The following DIXDC1 variants were observed in gnomAD, a reference collection of about 807,000 sequenced individuals.
DIXDC1 encodes dixin.
A neutral mutation model predicts 103.1 loss-of-function variants in DIXDC1; 64 were observed. The observed-to-expected ratio is 0.62, with a 90% CI of 0.51 to 0.76. The LOEUF is 0.76. Ranked by LOEUF, DIXDC1 falls within the 30% of genes least tolerant of loss-of-function variation. The pLI is 0.00. For missense variants in DIXDC1, 759 were observed against 834.2 expected, an observed-to-expected ratio of 0.91 and a Z score of 1.11; for synonymous variants, 266 against 298.5, an observed-to-expected ratio of 0.89 and a Z score of 1.12.
At chr11:111,995,309 A>C in intron 15 of DIXDC1, 94 bp from the exon 16 acceptor site, 1 of 1,528,658 alleles carries the variant, frequency 6.5e-7, no homozygotes, top group Non-Finnish European at 8.8e-7. Flanking sequence ...GTGGGGGAAA[A>C]ATCTTCTGGA....
Position 111,977,510 on chromosome 11 carries a change from C to A in DIXDC1, c.656+2527C>A. 7.2e-7 allele frequency: 1 copy of A among 1,386,432 alleles called. No individual in the cohort carries two copies. Among genetic ancestry groups the A allele is most frequent in the East Asian group, 3.1e-5 (1 of 32,540 alleles). 85.9% of individuals were successfully genotyped at this position (1,386,432 alleles called of 1,614,324 possible). On this transcript the variant is annotated intron_variant, in intron 5 of 19. Transcript: ENST00000440460. This position sits in a 1 kb window ranked among gnomAD's most constrained non-coding sequence, Gnocchi z 6.1. ...GGAGGCAGCTTCCGCCGGGGCCGGG[C>A]TGCTGCACAGTCTGAGCGGCCGGGA...
At chr11:112,002,433 C>T (rs1459137403) in intron 17 of DIXDC1, among the ~76,000 whole-genome samples, 4 of 152,090 alleles carry the variant, frequency 2.6e-5, no homozygotes, top group Non-Finnish European at 5.9e-5. Context: ...GGTATGTATC[C>T]AAAAGAAAGG....
At chr11:111,997,374 T>G (rs1209452844) in intron 17 of DIXDC1, among the ~76,000 whole-genome samples, 1 of 152,000 alleles carries the variant, frequency 6.6e-6, no homozygotes, top group Non-Finnish European at 1.5e-5. Flanking sequence ...TCACTCTTGT[T>G]GCCCAGGCTG....
At chr11:111,936,498 A>G (rs1489234065), upstream of DIXDC1, among the ~76,000 whole-genome samples, 1 of 152,180 alleles carries the variant, frequency 6.6e-6, no homozygotes, top group Non-Finnish European at 1.5e-5. Context: ...TGGGTTGTAT[A>G]TTTTAGCAGT....
At chr11:111,981,305 C>CA (rs1453879917) in intron 6 of DIXDC1, among the ~76,000 whole-genome samples, 1 of 152,306 alleles carries the variant, frequency 6.6e-6, no homozygotes, top group South Asian at 2.1e-4. Flanking sequence ...GAAAGGACCA[C>CA]AAAGAGTTCC....
chr11:111,996,006 C>G (rs1418198316), intron 16 of DIXDC1, 74 bp from the exon 17 acceptor site: 77 of 1,396,018 alleles, frequency 5.5e-5, no homozygotes, highest in Non-Finnish European at 7.6e-5. Context: ...TTTAAGCACA[C>G]TTTTATGATT....
intron 10 of DIXDC1, among the ~76,000 whole-genome samples, chr11:111,991,190 A>G (rs1005110132): frequency 7.2e-5 from 11 of 152,210 alleles, no homozygotes; most frequent in Admixed American, 7.2e-4. Context: ...AACACTTTAA[A>G]AAACAAATGT....
chr11:111,957,858 T>A (rs187157054), intron 1 of DIXDC1, among the ~76,000 whole-genome samples: 1 of 152,336 alleles, frequency 6.6e-6, no homozygotes, highest in East Asian at 1.9e-4. Context: ...TCACTGTTAG[T>A]GATGGCAGCG....
At chr11:111,929,124 A>G (rs1347544185) in intron 1 of DIXDC1, among the ~76,000 whole-genome samples, 1 of 152,166 alleles carries the variant, frequency 6.6e-6, no homozygotes, top group African/African-American at 2.4e-5. Flanking sequence ...GGTTGCTGTG[A>G]GCCGAGCTCG....
chr11:111,958,492 C>G lies in DIXDC1; in HGVS notation c.61-6057C>G, dbSNP rs1555170763. On this transcript the variant is annotated intron_variant, in intron 1 of 19. Transcript: ENST00000440460. The surrounding 1 kb of genome is among the most constrained non-coding windows in gnomAD (Gnocchi z 4.2). ...GGGTGTGCACAGGGTTGGGGCAGCACTGATATGCCAGCCCCCTGCTGCCTT... is the reference window on the plus strand; with the variant it reads ...GGGTGTGCACAGGGTTGGGGCAGCAGTGATATGCCAGCCCCCTGCTGCCTT... 6.6e-6 allele frequency among the ~76,000 whole-genome samples: 1 copy of G among 152,216 alleles called. No individual in the cohort carries two copies. The highest frequency in any genetic ancestry group is 6.5e-5 in the Admixed American group (1 of 15,288).
At chr11:111,963,518 T>A (rs1208463897) in intron 1 of DIXDC1, among the ~76,000 whole-genome samples, 1 of 152,254 alleles carries the variant, frequency 6.6e-6, no homozygotes, top group Non-Finnish European at 1.5e-5. Context: ...TACTTGGGGC[T>A]TAGGAATCAA....
intron 5 of DIXDC1, chr11:111,975,526 T>C: frequency 1.0e-6 from 1 of 989,998 alleles, no homozygotes; most frequent in Non-Finnish European, 1.2e-6. Flanking sequence ...TGTGTATCCT[T>C]TAGAGCCAAG....
At chr11:111,988,379 G>A (rs1252332364) in intron 9 of DIXDC1, among the ~76,000 whole-genome samples, 2 of 152,290 alleles carry the variant, frequency 1.3e-5, no homozygotes, top group Admixed American at 1.3e-4. Flanking sequence ...AAATCTTGAT[G>A]TGATACAATA....
In DIXDC1 at chr11:112,022,646, T is replaced by C. The variant is rs1005980525; in HGVS notation, c.*3610T>C. 2.2e-4 allele frequency: 34 copies of C among 152,788 alleles called. No homozygotes were observed. The highest frequency in any genetic ancestry group is 8.2e-4 in the African/African-American group (34 of 41,590). The allele number at this position is 152,788 out of a possible 1,614,324, so 9.5% of individuals were successfully genotyped here. The stretch of plus-strand genomic sequence containing the variant: ...ATTAATCAATAAAGCCATTTACATT[T>C]AGTGAAAGCAAATTTCCTCAAGTGA... On this transcript the variant is annotated 3_prime_UTR_variant, in exon 20 of 20. Transcript: ENST00000440460. The surrounding 1 kb of genome is among the most constrained non-coding windows in gnomAD (Gnocchi z 4.9).
In DIXDC1 at chr11:111,929,816, A is replaced by C; in HGVS notation, c.-36-2A>C. On this transcript the variant is annotated splice_acceptor_variant, in intron 1 of 5. Coordinates refer to the DIXDC1 transcript ENST00000529225. LOFTEE classifies it low-confidence loss of function (5UTR_SPLICE). Reference sequence around the variant, plus strand: ...GTACATTTCTTATTCTTCCTGTTTTAGATGGCCCTGATTCGTCTCTTCTAG... The same window carrying C: ...GTACATTTCTTATTCTTCCTGTTTTCGATGGCCCTGATTCGTCTCTTCTAG... The C allele has an allele frequency of 6.7e-7, 1 of 1,485,208 alleles. No homozygotes were observed. The allele number at this position is 1,485,208 out of a possible 1,614,324, so 92.0% of individuals were successfully genotyped here.
intron 1 of DIXDC1, among the ~76,000 whole-genome samples, chr11:111,961,263 A>G (rs1359741032): frequency 2.6e-5 from 4 of 152,236 alleles, no homozygotes; most frequent in African/African-American, 9.6e-5. Flanking sequence ...ACTCAGGTAC[A>G]TCCTGAAAGT....
intron 17 of DIXDC1, among the ~76,000 whole-genome samples, chr11:111,999,951 C>A (rs1861015936): frequency 6.6e-6 from 1 of 152,220 alleles, no homozygotes; most frequent in Admixed American, 6.5e-5. Context: ...GCCTGGCCAA[C>A]CTGGCGAAAC....
intron 1 of DIXDC1, among the ~76,000 whole-genome samples, chr11:111,949,654 A>G (rs1260797687): frequency 2.0e-5 from 3 of 152,174 alleles, no homozygotes; most frequent in African/African-American, 7.2e-5. Context: ...AAGGTCATTA[A>G]GCCTTAGTCT....
chr11:111,935,251 AG>A (rs1249287149), upstream of DIXDC1, among the ~76,000 whole-genome samples: 2 of 152,228 alleles, frequency 1.3e-5, no homozygotes, highest in African/African-American at 4.8e-5. Context: ...TGACTTGCTG[AG>A]TGACTGTGAG....
Sources: gnomAD v4.1 joint callset for allele counts (sites outside exome capture counted in the v4.1 genomes callset) on GRCh38, gnomAD v4.1.1 for gene constraint, Gnocchi (gnomAD v3.1) non-coding constraint, MANE v1.5 for transcripts, NCBI Gene and HGNC (gene_info 2026-07-23, HGNC 2026-07-21) for gene names.